ST3GAL4: variants seen among roughly 807,000 people sequenced by gnomAD.
ST3GAL4 encodes ST3 beta-galactoside alpha-2,3-sialyltransferase 4, also known as CMP-N-acetylneuraminate-beta-galactosamide-alpha-2,3-sialyltransferase 4.
In ST3GAL4, 24 loss-of-function variants were observed where a neutral mutation model predicts 42.6. The ratio of observed to expected loss-of-function variants is 0.56; its 90% CI spans 0.41 to 0.79. ST3GAL4 has a LOEUF of 0.79. Among genes scored for constraint, ST3GAL4 ranks in the 30% least tolerant of loss-of-function variants. The probability of loss-of-function intolerance (pLI) is 0.00; values close to 1 mark genes in which losing one functional copy is unlikely to be tolerated. For synonymous variants in ST3GAL4, 135 were observed against 163.2 expected (o/e 0.83, Z 1.32); for missense variants, 311 against 430.8 (o/e 0.72, Z 2.46).
Position 126,397,152 on chromosome 11 carries a change from T to C in ST3GAL4, c.-60-8944T>C, listed in dbSNP as rs1213592166. Among the ~76,000 whole-genome samples the C allele has an allele frequency of 6.6e-6, 1 of 152,114 alleles. No homozygotes were observed. Among genetic ancestry groups the C allele is most frequent in the Non-Finnish European group, 1.5e-5 (1 of 68,036 alleles). Reference sequence around the variant, plus strand: ...GTACATTTCAGTTGTTAGTGGAACATGCAATACATCTTTATTCACATGTTA... The same window carrying C: ...GTACATTTCAGTTGTTAGTGGAACACGCAATACATCTTTATTCACATGTTA... On this transcript the variant is annotated intron_variant, in intron 1 of 10. Coordinates refer to ENST00000444328, the MANE Select transcript of ST3GAL4 (RefSeq NM_001254757.2). The surrounding 1 kb of genome is among the most constrained non-coding windows in gnomAD (Gnocchi z 5.0).
intron 1 of ST3GAL4, among the ~76,000 whole-genome samples, chr11:126,361,655 A>C (rs1248394883): frequency 1.3e-5 from 2 of 152,080 alleles, no homozygotes; most frequent in Non-Finnish European, 2.9e-5. Context: ...TGTGACAGGG[A>C]GGGAACCCTG....
Position 126,378,317 on chromosome 11 carries a change from C to G in ST3GAL4, c.-61+22475C>G, listed in dbSNP as rs80233155. 8.5e-4 allele frequency among the ~76,000 whole-genome samples: 129 copies of G among 152,256 alleles called. 1 individual carries two copies. Among genetic ancestry groups the G allele is most frequent in the African/African-American group, 3.0e-3 (125 of 41,548 alleles). ...TCACATCTGCGTCTGCACAGCGCCA[C>G]GTTGAATGGTTATGGTTTCAATTGG... On this transcript the variant is annotated intron_variant, in intron 1 of 10. Transcript: ENST00000444328. This position sits in a 1 kb window ranked among gnomAD's most constrained non-coding sequence, Gnocchi z 5.3.
At chr11:126,361,602 C>G (rs767797841) in intron 1 of ST3GAL4, among the ~76,000 whole-genome samples, 8 of 152,028 alleles carry the variant, frequency 5.3e-5, no homozygotes, top group Non-Finnish European at 1.0e-4. Flanking sequence ...ACTTCCTCCC[C>G]CTTCCTCCCC....
chr11:126,395,633 C>A (rs750205518), intron 1 of ST3GAL4, among the ~76,000 whole-genome samples: 7 of 152,018 alleles, frequency 4.6e-5, no homozygotes, highest in Non-Finnish European at 7.3e-5. Flanking sequence ...GTGTTCTCCC[C>A]CAAGTTGTTC....
intron 1 of ST3GAL4, chr11:126,358,510 AG>A (rs1288392516): frequency 2.2e-6 from 1 of 453,640 alleles, no homozygotes. Flanking sequence ...TCGGGGAGGG[AG>A]GTGTGTGAAT....
In ST3GAL4 at chr11:126,358,354, T is replaced by C. The variant is rs903070377; in HGVS notation, c.-61+2512T>C. ...TTGGTTGCCGGGAGGAAATGGTGAG[T>C]GTAGGCAGATTTGGGTGACTCTTGT... is the stretch of plus-strand genomic sequence containing the variant. On this transcript the variant is annotated intron_variant, in intron 1 of 10. Transcript: ENST00000444328. The C allele has an allele frequency of 5.8e-6, 2 of 346,494 alleles. 1 individual carries two copies. The highest frequency in any genetic ancestry group is 4.3e-5 in the African/African-American group (2 of 46,296). 21.5% of individuals were successfully genotyped at this position (346,494 alleles called of 1,614,324 possible). A position where few individuals can be genotyped will look rare whatever the true frequency, so the allele number is the denominator to read the frequency against.
chr11:126,373,905 G>A lies in ST3GAL4; in HGVS notation c.-61+18063G>A, dbSNP rs1223396542. 4.6e-5 allele frequency among the ~76,000 whole-genome samples: 7 copies of A among 152,116 alleles called. No homozygotes were observed. The highest frequency in any genetic ancestry group is 1.0e-4 in the Non-Finnish European group (7 of 68,022). ...GCCAGGGACTGTGCCGCAGGGGCCA[G>A]AAGATATCTGACCTACTGTCACTGC... On this transcript the variant is annotated intron_variant, in intron 1 of 10. Transcript: ENST00000444328. The surrounding 1 kb of genome is among the most constrained non-coding windows in gnomAD (Gnocchi z 5.5).
At position 126,373,809 on chromosome 11, in the gene ST3GAL4, C is replaced by G. The variant is rs1952738731; in HGVS notation, c.-61+17967C>G. On this transcript the variant is annotated intron_variant, in intron 1 of 10. Transcript: ENST00000444328. This position sits in a 1 kb window ranked among gnomAD's most constrained non-coding sequence, Gnocchi z 5.5. The stretch of plus-strand genomic sequence containing the variant: ...GTGCTCTCTGCCAACTCTAATGAGC[C>G]AGGAAGCCTCCCCGTGCCCAGGCGT... Among the ~76,000 whole-genome samples the G allele has an allele frequency of 6.6e-6, 1 of 151,990 alleles. No homozygotes were observed. The highest frequency in any genetic ancestry group is 2.1e-4 in the South Asian group (1 of 4,818).
At chr11:126,413,470 G>A (rs574656119) in intron 9 of ST3GAL4, 35 bp from the exon 10 acceptor site, 14 of 1,609,740 alleles carry the variant, frequency 8.7e-6, no homozygotes, top group South Asian at 3.3e-5. Context: ...GAGGAGCAGG[G>A]CTCCCACTAA....
intron 1 of ST3GAL4, among the ~76,000 whole-genome samples, chr11:126,369,321 C>T (rs540483379): frequency 2.0e-5 from 3 of 150,340 alleles, no homozygotes; most frequent in South Asian, 2.1e-4. Context: ...GATCTCGGCT[C>T]ACTGCAACCT....
chr11:126,389,332 G>T (rs1189107066), intron 1 of ST3GAL4, among the ~76,000 whole-genome samples: 1 of 152,104 alleles, frequency 6.6e-6, no homozygotes, highest in Non-Finnish European at 1.5e-5. Context: ...TATGACGTTA[G>T]ATTTTTTTCC....
intron 1 of ST3GAL4, chr11:126,405,892 G>T: frequency 1.6e-6 from 1 of 636,588 alleles, no homozygotes; most frequent in Non-Finnish European, 2.7e-6. Context: ...TTCCGTGGCA[G>T]GGCTCACCTG....
chr11:126,394,055 T>C (rs1490492221), intron 1 of ST3GAL4, among the ~76,000 whole-genome samples: 1 of 152,146 alleles, frequency 6.6e-6, no homozygotes, highest in South Asian at 2.1e-4. Flanking sequence ...GGTGACCAAG[T>C]GGGATGTGGT....
intron 1 of ST3GAL4, among the ~76,000 whole-genome samples, chr11:126,365,662 C>T (rs1295511943): frequency 1.3e-5 from 2 of 152,206 alleles, no homozygotes; most frequent in African/African-American, 2.4e-5. Context: ...TGCAGATGAC[C>T]CTGAAATTGC....
rs556068924 is a variant in ST3GAL4, at chr11:126,396,982, A to T, written c.-60-9114A>T. ...TCACACCTGAGAAGAGGGATTTCCT[A>T]CTGGTGTCTAGTAGGTAGAGGCCAG... On this transcript the variant is annotated intron_variant, in intron 1 of 10. Transcript: ENST00000444328. This position sits in a 1 kb window ranked among gnomAD's most constrained non-coding sequence, Gnocchi z 5.8. Among the ~76,000 whole-genome samples the T allele has an allele frequency of 4.6e-5, 7 of 152,188 alleles. No homozygotes were observed. The highest frequency in any genetic ancestry group is 2.0e-4 in the Admixed American group (3 of 15,302).
intron 1 of ST3GAL4, among the ~76,000 whole-genome samples, chr11:126,374,243 GGAGTTC>G (rs1159193921): frequency 6.6e-6 from 1 of 151,922 alleles, no homozygotes; most frequent in African/African-American, 2.4e-5. Context: ...CTTGAGGTCA[GGAGTTC>G]GAGACCAGCC....
At position 126,366,293 on chromosome 11, in the gene ST3GAL4, G is replaced by A. The variant is rs1168475947; in HGVS notation, c.-61+10451G>A. On this transcript the variant is annotated intron_variant, in intron 1 of 10. Transcript: ENST00000444328. The surrounding 1 kb of genome is among the most constrained non-coding windows in gnomAD (Gnocchi z 4.2). ...CGGCCAGCCCTGAGGAATGGAGGAA[G>A]AGAGTGCCCTGGCTGGGGGAGCCCC... 2.0e-5 allele frequency among the ~76,000 whole-genome samples: 3 copies of A among 152,194 alleles called. No individual in the cohort carries two copies. Among genetic ancestry groups the A allele is most frequent in the African/African-American group, 7.2e-5 (3 of 41,462 alleles).
intron 1 of ST3GAL4, among the ~76,000 whole-genome samples, chr11:126,377,996 G>A (rs1218593780): frequency 6.6e-6 from 1 of 152,094 alleles, no homozygotes; most frequent in African/African-American, 2.4e-5. Flanking sequence ...TCTTACAGAA[G>A]TATGAAATCC....
Position 126,379,912 on chromosome 11 carries a change from G to A in ST3GAL4, c.-61+24070G>A, listed in dbSNP as rs1952935887. 1.3e-5 allele frequency among the ~76,000 whole-genome samples: 2 copies of A among 152,136 alleles called. No homozygotes were observed. Among genetic ancestry groups the A allele is most frequent in the South Asian group, 4.1e-4 (2 of 4,826 alleles). ...ACGGTGAGAATAGTAACTGAAACTGGTGTAGTGTCTTTCAATGGGGCTCAA... is the reference window on the plus strand; with the variant it reads ...ACGGTGAGAATAGTAACTGAAACTGATGTAGTGTCTTTCAATGGGGCTCAA... On this transcript the variant is annotated intron_variant, in intron 1 of 10. Transcript: ENST00000444328. This position sits in a 1 kb window ranked among gnomAD's most constrained non-coding sequence, Gnocchi z 4.2.
Sources: gnomAD v4.1 joint callset for allele counts (sites outside exome capture counted in the v4.1 genomes callset) on GRCh38, gnomAD v4.1.1 for gene constraint, Gnocchi (gnomAD v3.1) non-coding constraint, MANE v1.5 for transcripts, NCBI Gene and HGNC (gene_info 2026-07-23, HGNC 2026-07-21) for gene names.